The following PRKD1 variants were observed in gnomAD, a reference collection of about 807,000 sequenced individuals.
PRKD1 encodes protein kinase D1, also known as serine/threonine-protein kinase D1.
A neutral mutation model predicts 95.9 loss-of-function variants in PRKD1; 63 were observed. The observed-to-expected ratio is 0.66, with a 90% confidence interval of 0.54 to 0.81. PRKD1 has a LOEUF of 0.81. Ranked by LOEUF, PRKD1 falls within the 30% of genes least tolerant of loss-of-function variation. PRKD1 has a pLI of 0.00. For synonymous variants in PRKD1, 425 were observed against 423.1 expected (o/e 1.00, Z -0.05); for missense variants, 1,048 against 1,165.3 (o/e 0.90, Z 1.47).
Position 29,725,666 on chromosome 14 carries a change from T to C in PRKD1, c.273A>G (p.Glu91=). ...TATCATACATTCCGTAGAAACCACA[T>C]TCAGGGAACTGCAAATACAAATACC... ...ACSIVDQKFP[E]CGFYGMYDKI... The change falls in exon 2 of 18, where the codon GAA becomes GAG. Residue 91 remains glutamate (E), a synonymous_variant. Coordinates refer to ENST00000331968, the MANE Select transcript of PRKD1 (RefSeq NM_002742.3). The C allele has an allele frequency of 1.2e-6, 2 of 1,613,318 alleles. No homozygotes were observed. The highest frequency in any genetic ancestry group is 3.3e-5 in the Admixed American group (2 of 59,908).
At chr14:29,721,918 G>A (rs532353907) in intron 2 of PRKD1, among the ~76,000 whole-genome samples, 1 of 151,952 alleles carries the variant, frequency 6.6e-6, no homozygotes, top group South Asian at 2.1e-4. Flanking sequence ...AAAAAGAAAC[G>A]GAGGGAGAAA....
intron 1 of PRKD1, among the ~76,000 whole-genome samples, chr14:29,917,449 C>CAA (rs139159163): frequency 0.024 from 3,589 of 151,934 alleles, 148 homozygotes; most frequent in African/African-American, 0.082. Flanking sequence ...AAATTTCAAG[C>CAA]AAAAATTCCT....
intron 1 of PRKD1, among the ~76,000 whole-genome samples, chr14:29,851,744 CA>C (rs1892315256): frequency 6.6e-6 from 1 of 151,930 alleles, no homozygotes; most frequent in Non-Finnish European, 1.5e-5. Flanking sequence ...CTGTAAACCC[CA>C]AAATAAATCA....
At chr14:29,921,265 C>T (rs541143957) in intron 1 of PRKD1, among the ~76,000 whole-genome samples, 1 of 152,136 alleles carries the variant, frequency 6.6e-6, no homozygotes, top group African/African-American at 2.4e-5. Context: ...ATTTGAGAAA[C>T]TGTTTCAAAA....
intron 1 of PRKD1, among the ~76,000 whole-genome samples, chr14:29,864,553 C>T (rs982630177): frequency 6.6e-6 from 1 of 152,078 alleles, no homozygotes; most frequent in Non-Finnish European, 1.5e-5. Context: ...AAATACCCCC[C>T]TTCATCATCA....
intron 2 of PRKD1, among the ~76,000 whole-genome samples, chr14:29,712,424 C>T (rs1210897982): frequency 6.6e-6 from 1 of 152,040 alleles, no homozygotes. Context: ...CAGGGTTAGC[C>T]AGAAATTTTT....
chr14:29,764,976 T>A (rs1354020081), intron 1 of PRKD1, among the ~76,000 whole-genome samples: 1 of 152,124 alleles, frequency 6.6e-6, no homozygotes, highest in Non-Finnish European at 1.5e-5. Flanking sequence ...AATCCCAACA[T>A]AAACTCAGGT....
chr14:29,682,872 T>C (rs891761051), intron 2 of PRKD1, among the ~76,000 whole-genome samples: 3 of 152,080 alleles, frequency 2.0e-5, no homozygotes, highest in Non-Finnish European at 4.4e-5. Flanking sequence ...AGAGTCAAAA[T>C]GCAAAGGGCA....
At chr14:29,762,457 A>G (rs45519037) in intron 1 of PRKD1, among the ~76,000 whole-genome samples, 3,055 of 152,254 alleles carry the variant, frequency 0.02, 104 homozygotes, top group Admixed American at 0.087. Context: ...TTCTCAACTT[A>G]GAGGCTCTGC....
At chr14:29,672,886 G>GA (rs907581299) in intron 2 of PRKD1, among the ~76,000 whole-genome samples, 64 of 143,442 alleles carry the variant, frequency 4.5e-4, no homozygotes, top group Non-Finnish European at 5.4e-4. Context: ...CTCCTTCTCA[G>GA]AAAAAAAAAA....
chr14:29,816,593 T>C (rs1265293385), intron 1 of PRKD1, among the ~76,000 whole-genome samples: 1 of 152,212 alleles, frequency 6.6e-6, no homozygotes, highest in Non-Finnish European at 1.5e-5. Flanking sequence ...AATTTTCTAT[T>C]ATCCTTAAGT....
chr14:29,622,322 AG>A (rs1367666575), intron 13 of PRKD1, among the ~76,000 whole-genome samples: 1 of 151,892 alleles, frequency 6.6e-6, no homozygotes, highest in Non-Finnish European at 1.5e-5. Context: ...CCTCTGTTTT[AG>A]AAGAGGAATA....
At chr14:29,801,999 C>T (rs1028217826) in intron 1 of PRKD1, among the ~76,000 whole-genome samples, 1 of 152,008 alleles carries the variant, frequency 6.6e-6, no homozygotes, top group Non-Finnish European at 1.5e-5. Flanking sequence ...GGGTCTACAT[C>T]TTTTATACCT....
intron 3 of PRKD1, 75 bp downstream of exon 3, chr14:29,666,002 G>C (rs1295755081): frequency 4.3e-5 from 61 of 1,429,234 alleles, no homozygotes; most frequent in Non-Finnish European, 5.5e-5. Flanking sequence ...ACGTATCTTT[G>C]CAATTGTGAA....
intron 2 of PRKD1, among the ~76,000 whole-genome samples, chr14:29,718,389 A>G (rs1463053633): frequency 9.1e-6 from 1 of 110,260 alleles, no homozygotes; most frequent in Non-Finnish European, 1.7e-5. Context: ...CATGATTGCA[A>G]GTCTCCTGAG....
At chr14:29,813,811 A>C (rs1169103595) in intron 1 of PRKD1, among the ~76,000 whole-genome samples, 1 of 152,230 alleles carries the variant, frequency 6.6e-6, no homozygotes, top group Non-Finnish European at 1.5e-5. Context: ...TTGCTCTGTC[A>C]GACGATGTTC....
At position 29,654,082 on chromosome 14, in the gene PRKD1, AT is replaced by A. The variant is rs964552365; in HGVS notation, c.696+9616del. On this transcript the variant is annotated intron_variant, in intron 4 of 17. Coordinates refer to ENST00000331968, the MANE Select transcript of PRKD1 (RefSeq NM_002742.3). ...TAAACTTTTACACTTTTGAATAACT[AT>A]TTTTTTTTTTAAAAAAGCAGTATAA... Among the ~76,000 whole-genome samples, 717 of 149,226 alleles carry A rather than the reference AT, an allele frequency of 4.8e-3. 3 individuals carry two copies. The highest frequency in any genetic ancestry group is 5.6e-3 in the Admixed American group (84 of 14,962).
At chr14:29,696,270 A>G (rs903203653) in intron 2 of PRKD1, among the ~76,000 whole-genome samples, 14 of 152,214 alleles carry the variant, frequency 9.2e-5, no homozygotes, top group African/African-American at 3.4e-4. Context: ...GTGCATATGT[A>G]CTAAGTTTTT....
chr14:29,594,828 T>C (rs562706845), intron 16 of PRKD1, among the ~76,000 whole-genome samples: 32 of 152,272 alleles, frequency 2.1e-4, no homozygotes, highest in African/African-American at 7.5e-4. Flanking sequence ...CTTAACTCCA[T>C]TAAAACTTCT....
Sources: gnomAD v4.1 joint callset for allele counts (sites outside exome capture counted in the v4.1 genomes callset) on GRCh38, gnomAD v4.1.1 for gene constraint, MANE v1.5 for transcripts, NCBI Gene and HGNC (gene_info 2026-07-23, HGNC 2026-07-21) for gene names.